Variants in RBFOX1 observed in about 807,000 individuals in gnomAD.
RBFOX1 encodes the protein RNA binding fox-1 homolog 1.
In RBFOX1, 8 loss-of-function variants were observed where a neutral mutation model predicts 57.7. That is an observed-to-expected ratio of 0.14 (90% CI 0.08 to 0.25). The LOEUF is 0.25. Among genes scored for constraint, RBFOX1 ranks in the 10% least tolerant of loss-of-function variants. RBFOX1 has a pLI of 1.00. For missense variants in RBFOX1, 611 were observed against 548.5 expected, an observed-to-expected ratio of 1.11 and a Z score of -1.14; for synonymous variants, 326 against 222.4, an observed-to-expected ratio of 1.47 and a Z score of -4.15.
In RBFOX1 at chr16:5,581,123, C is replaced by A. The variant is rs578221001; in HGVS notation, c.259-17779C>A. Among the ~76,000 whole-genome samples, 7 of 152,250 alleles carry A rather than the reference C, an allele frequency of 4.6e-5. No individual in the cohort carries two copies. The East Asian group carries it at 9.6e-4, about 21-fold the overall frequency. Reference sequence around the variant, plus strand: ...CCATTGTAGATGGCACTTGACAGATCCAGAGGAGAAGGGGGCAGGGCTTTC... The same window carrying A: ...CCATTGTAGATGGCACTTGACAGATACAGAGGAGAAGGGGGCAGGGCTTTC... On this transcript the variant is annotated intron_variant, in intron 2 of 2. Transcript: ENST00000585867.
At position 6,848,389 on chromosome 16, in the gene RBFOX1, C is replaced by G. The variant is rs556632071; in HGVS notation, c.-16+193739C>G. Among the ~76,000 whole-genome samples, 12 of 152,232 alleles carry G rather than the reference C, an allele frequency of 7.9e-5. No homozygotes were observed. In the South Asian group the frequency reaches 2.3e-3, roughly 29 times the overall value. On this transcript the variant is annotated intron_variant, in intron 3 of 15. Coordinates refer to ENST00000550418, the MANE Select transcript of RBFOX1 (RefSeq NM_018723.4). ...AGTTTTTGAATGTTAGTCACTAATA[C>G]AAAGTTTTATGAAAATGCTTTGCAT...
In RBFOX1 at chr16:7,660,746, C is replaced by T. The variant is rs565980158; in HGVS notation, c.891-4183C>T. 5.4e-4 allele frequency among the ~76,000 whole-genome samples: 82 copies of T among 152,282 alleles called. 1 individual carries two copies. The highest frequency in any genetic ancestry group is 3.1e-3 in the South Asian group (15 of 4,826). On this transcript the variant is annotated intron_variant, in intron 12 of 15. Coordinates refer to ENST00000550418, the MANE Select transcript of RBFOX1 (RefSeq NM_018723.4). ...ATGTAAGCTCTTAGATGCTGTCATC[C>T]GGATCTATTCAATCAGAACCTGTTG...
At chr16:5,419,790 G>A (rs951315735) in intron 1 of RBFOX1, among the ~76,000 whole-genome samples, 1 of 151,988 alleles carries the variant, frequency 6.6e-6, no homozygotes, top group Non-Finnish European at 1.5e-5. Flanking sequence ...GGAGAGATAT[G>A]AAGCTTGGGA....
chr16:5,254,534 C>T (rs1188791106), intron 1 of RBFOX1, among the ~76,000 whole-genome samples: 4 of 152,176 alleles, frequency 2.6e-5, no homozygotes, highest in South Asian at 2.1e-4. Context: ...CCATGCCCCC[C>T]GATCTTCAGC....
At chr16:7,177,888 T>C (rs544800584) in intron 4 of RBFOX1, among the ~76,000 whole-genome samples, 27 of 152,342 alleles carry the variant, frequency 1.8e-4, no homozygotes, top group Non-Finnish European at 3.4e-4. Flanking sequence ...CTGTGGGTTG[T>C]GGTTTACCAG....
At chr16:5,809,553 G>A (rs1190011263) in intron 3 of RBFOX1, among the ~76,000 whole-genome samples, 10 of 152,180 alleles carry the variant, frequency 6.6e-5, no homozygotes, top group Non-Finnish European at 1.3e-4. Context: ...CATTTATGCA[G>A]CCAAAAAAAC....
intron 3 of RBFOX1, among the ~76,000 whole-genome samples, chr16:6,953,128 A>C (rs571903389): frequency 6.6e-6 from 1 of 152,308 alleles, no homozygotes; most frequent in African/African-American, 2.4e-5. Context: ...AGTAGAACTT[A>C]GGTGTATGTA....
At chr16:5,778,701 G>A (rs1263747864) in intron 3 of RBFOX1, among the ~76,000 whole-genome samples, 1 of 152,016 alleles carries the variant, frequency 6.6e-6, no homozygotes, top group African/African-American at 2.4e-5. Context: ...ATTTAGGGTG[G>A]GGATCCCTTC....
intron 4 of RBFOX1, among the ~76,000 whole-genome samples, chr16:7,153,023 TA>T (rs1346496042): frequency 3.3e-5 from 5 of 152,228 alleles, no homozygotes; most frequent in East Asian, 1.9e-4. Context: ...GATTCTAATA[TA>T]TTTTTTTGTT....
chr16:7,055,216 A>G (rs1815104971), intron 4 of RBFOX1, among the ~76,000 whole-genome samples: 1 of 152,198 alleles, frequency 6.6e-6, no homozygotes, highest in African/African-American at 2.4e-5. Flanking sequence ...TGGATATAAT[A>G]TACAACGTTT....
chr16:7,063,848 T>A (rs1213790890), intron 4 of RBFOX1, among the ~76,000 whole-genome samples: 1 of 152,212 alleles, frequency 6.6e-6, no homozygotes, highest in Non-Finnish European at 1.5e-5. Context: ...TGTTTTAAAG[T>A]ATGTGGGTGG....
chr16:5,708,114 C>G (rs528785678), intron 3 of RBFOX1, among the ~76,000 whole-genome samples: 1 of 152,216 alleles, frequency 6.6e-6, no homozygotes, highest in South Asian at 2.1e-4. Context: ...TTCCTGGAAC[C>G]TCTTATTTTC....
intron 3 of RBFOX1, among the ~76,000 whole-genome samples, chr16:6,854,989 G>A (rs758794155): frequency 6.6e-6 from 1 of 151,822 alleles, no homozygotes; most frequent in African/African-American, 2.4e-5. Context: ...ACTAATCTTT[G>A]GTGGCAAAGG....
intron 3 of RBFOX1, among the ~76,000 whole-genome samples, chr16:7,024,100 A>T (rs566661209): frequency 6.6e-6 from 1 of 152,196 alleles, no homozygotes; most frequent in Non-Finnish European, 1.5e-5. Flanking sequence ...CTTACTAAGA[A>T]TATACTTGTG....
intron 3 of RBFOX1, among the ~76,000 whole-genome samples, chr16:6,761,221 GC>G (rs1385193618): frequency 2.6e-5 from 4 of 152,070 alleles, no homozygotes; most frequent in Non-Finnish European, 5.9e-5. Context: ...TAAATTTGAA[GC>G]CCAGGTAATT....
chr16:5,800,258 C>G (rs749353228), intron 3 of RBFOX1, among the ~76,000 whole-genome samples: 1 of 152,098 alleles, frequency 6.6e-6, no homozygotes, highest in Non-Finnish European at 1.5e-5. Flanking sequence ...TGGTGTGTAG[C>G]CTAATTTTGG....
Position 5,375,342 on chromosome 16 carries a change from C to T in RBFOX1, c.220-91874C>T, listed in dbSNP as rs571093331. 3.9e-5 allele frequency among the ~76,000 whole-genome samples: 6 copies of T among 152,198 alleles called. No individual in the cohort carries two copies. The South Asian group carries it at 8.3e-4, about 21-fold the overall frequency. ...TTCTAGGGAGCGGGAGTGAAGAGGA[C>T]AGTGAGGTTGGAAAGGAAACTGTGG... On this transcript the variant is annotated intron_variant, in intron 1 of 2. Coordinates refer to the RBFOX1 transcript ENST00000585867.
At chr16:6,395,206 A>AT (rs1402846941) in intron 2 of RBFOX1, among the ~76,000 whole-genome samples, 6 of 152,090 alleles carry the variant, frequency 3.9e-5, no homozygotes, top group African/African-American at 9.7e-5. Flanking sequence ...TGAAGACAGG[A>AT]TTTTTTTTGT....
chr16:5,790,768 T>C (rs1597266441), intron 3 of RBFOX1, among the ~76,000 whole-genome samples: 1 of 152,160 alleles, frequency 6.6e-6, no homozygotes, highest in African/African-American at 2.4e-5. Context: ...CACTTCGTCT[T>C]CCTCATTTGG....
Sources: allele counts gnomAD v4.1 joint callset (sites outside exome capture counted in the v4.1 genomes callset), GRCh38; gene constraint gnomAD v4.1.1; transcripts MANE v1.5; gene names NCBI Gene and HGNC (gene_info 2026-07-23, HGNC 2026-07-21).